The following DCC variants were observed in gnomAD, a reference collection of about 807,000 sequenced individuals.
The protein encoded by DCC is netrin receptor DCC.
DCC carries 58 observed loss-of-function variants against 172.5 expected under a neutral mutation model. The ratio of observed to expected loss-of-function variants is 0.34; its 90% CI spans 0.27 to 0.42. The LOEUF is 0.42. DCC is among the 10% of genes least tolerant of loss of function. The pLI is 1.00. For synonymous variants in DCC, 709 were observed against 644.5 expected, an observed-to-expected ratio of 1.10 and a Z score of -1.52; for missense variants, 1,740 against 1,791.0, an observed-to-expected ratio of 0.97 and a Z score of 0.51.
chr18:52,871,292 G>T (rs1906878788), intron 2 of DCC, among the ~76,000 whole-genome samples: 1 of 151,398 alleles, frequency 6.6e-6, no homozygotes, highest in Admixed American at 6.6e-5. Flanking sequence ...ACCTCTCAGT[G>T]ACATAAAATA....
intron 5 of DCC, among the ~76,000 whole-genome samples, chr18:52,979,660 A>G (rs975176240): frequency 2.0e-5 from 3 of 152,228 alleles, no homozygotes; most frequent in Non-Finnish European, 4.4e-5. Flanking sequence ...GCTTGTGTTC[A>G]GAGTTACCCA....
intron 15 of DCC, among the ~76,000 whole-genome samples, chr18:53,380,950 A>G (rs1907681661): frequency 6.6e-6 from 1 of 152,188 alleles, no homozygotes; most frequent in Non-Finnish European, 1.5e-5. Flanking sequence ...AGTATAATTC[A>G]TTAATCCAAC....
At chr18:52,412,515 C>T (rs1376520906) in intron 1 of DCC, among the ~76,000 whole-genome samples, 1 of 151,966 alleles carries the variant, frequency 6.6e-6, no homozygotes, top group African/African-American at 2.4e-5. Context: ...TATAAATGTA[C>T]AACTAAAATT....
chr18:53,504,527 G>GACA (rs1243451662), intron 27 of DCC, among the ~76,000 whole-genome samples: 1 of 152,136 alleles, frequency 6.6e-6, no homozygotes, highest in African/African-American at 2.4e-5. Context: ...CTTTTTGGTA[G>GACA]ACATCTCCTT....
intron 2 of DCC, among the ~76,000 whole-genome samples, chr18:52,823,134 C>T (rs560989588): frequency 1.3e-5 from 2 of 152,292 alleles, no homozygotes; most frequent in South Asian, 4.1e-4. Flanking sequence ...TGTCCCCTCC[C>T]TAAACTTTTG....
intron 5 of DCC, among the ~76,000 whole-genome samples, chr18:53,055,967 G>T (rs143178131): frequency 5.4e-4 from 82 of 152,226 alleles, no homozygotes; most frequent in African/African-American, 1.9e-3. Context: ...CACTTGACAA[G>T]TCTCTTAGAA....
At chr18:52,789,713 T>C (rs1198064504) in intron 2 of DCC, among the ~76,000 whole-genome samples, 2 of 152,168 alleles carry the variant, frequency 1.3e-5, no homozygotes, top group Non-Finnish European at 2.9e-5. Context: ...AAATTGTGAC[T>C]GAGACAGTAA....
Position 53,132,370 on chromosome 18 carries a change from T to C in DCC, c.1262-24986T>C, listed in dbSNP as rs181833427. Among the ~76,000 whole-genome samples the C allele has an allele frequency of 1.7e-4, 26 of 152,206 alleles. No homozygotes were observed. In the East Asian group the frequency reaches 5.1e-3, roughly 30 times the overall value. Reference sequence around the variant, plus strand: ...CATGATGAGTCGACCTGAGCTGCTGTAGGCTTGCTCCAGCACACTGCGGAA... The same window carrying C: ...CATGATGAGTCGACCTGAGCTGCTGCAGGCTTGCTCCAGCACACTGCGGAA... On this transcript the variant is annotated intron_variant, in intron 7 of 28. Transcript: ENST00000442544.
At chr18:52,489,857 C>T (rs1219820657) in intron 1 of DCC, among the ~76,000 whole-genome samples, 1 of 152,114 alleles carries the variant, frequency 6.6e-6, no homozygotes, top group Non-Finnish European at 1.5e-5. Flanking sequence ...CTGATCTGAC[C>T]TCATCTGAGC....
chr18:52,446,311 A>G (rs1484922644), intron 1 of DCC, among the ~76,000 whole-genome samples: 2 of 152,208 alleles, frequency 1.3e-5, no homozygotes, highest in African/African-American at 4.8e-5. Flanking sequence ...GAAAGAAGAC[A>G]ATAAATTTTA....
chr18:53,445,334 A>T (rs1324389627), intron 22 of DCC, among the ~76,000 whole-genome samples: 1 of 152,250 alleles, frequency 6.6e-6, no homozygotes, highest in African/African-American at 2.4e-5. Context: ...CTGCAATTGT[A>T]GGAGTGAAGT....
intron 7 of DCC, among the ~76,000 whole-genome samples, chr18:53,090,511 G>A (rs956503294): frequency 2.6e-5 from 4 of 151,174 alleles, no homozygotes; most frequent in African/African-American, 9.7e-5. Context: ...GGCTAACAAG[G>A]TGAAATTCCG....
intron 5 of DCC, among the ~76,000 whole-genome samples, chr18:53,036,367 A>G (rs964387345): frequency 1.9e-4 from 29 of 152,014 alleles, no homozygotes; most frequent in African/African-American, 6.8e-4. Flanking sequence ...TGCAAGCAAC[A>G]CTAGGTGAAT....
chr18:52,907,707 C>A (rs2039910849), intron 3 of DCC, among the ~76,000 whole-genome samples: 1 of 152,190 alleles, frequency 6.6e-6, no homozygotes, highest in South Asian at 2.1e-4. Flanking sequence ...CAGGCGTGAG[C>A]CACTGTGCCC....
At chr18:52,956,982 C>A (rs886198928) in intron 5 of DCC, among the ~76,000 whole-genome samples, 9 of 152,086 alleles carry the variant, frequency 5.9e-5, no homozygotes, top group African/African-American at 2.2e-4. Flanking sequence ...CTTTGAATCT[C>A]TTGCAACTTC....
intron 12 of DCC, among the ~76,000 whole-genome samples, chr18:53,255,681 G>T (rs974670959): frequency 3.3e-5 from 5 of 151,846 alleles, no homozygotes; most frequent in African/African-American, 1.2e-4. Flanking sequence ...ACATACATGT[G>T]CATGTCTTTA....
chr18:52,340,825 T>C lies in DCC; in HGVS notation c.38T>C (p.Leu13Pro). Residue 13 changes from leucine to proline, a missense_variant, in exon 1 of 29, where the codon CTG (leucine) becomes CCG (proline). Physicochemically the swap from Leu to Pro is moderately conservative, Grantham distance 98 (BLOSUM62 -3). Coordinates refer to ENST00000442544, the MANE Select transcript of DCC (RefSeq NM_005215.4). ...CTTAGATGTGTTTGGGTACCCAAGC[T>C]GGCTTTTGTACTCTTCGGAGCTTCC... ...NSLRCVWVPK[L>P]AFVLFGASLF... is the part of the protein sequence containing the mutation. 1 of 1,614,136 alleles carries C rather than the reference T, an allele frequency of 6.2e-7. No individual in the cohort carries two copies. The highest frequency in any genetic ancestry group is 8.5e-7 in the Non-Finnish European group (1 of 1,180,020).
intron 12 of DCC, among the ~76,000 whole-genome samples, chr18:53,247,150 A>G (rs16956409): frequency 2.3e-3 from 357 of 152,196 alleles, no homozygotes; most frequent in African/African-American, 8.3e-3. Flanking sequence ...GGAAGAGGAC[A>G]ACCTTAGATT....
At chr18:53,226,914 C>CTGTGTGTG (rs35341474) in intron 12 of DCC, among the ~76,000 whole-genome samples, 1 of 103,676 alleles carries the variant, frequency 9.6e-6, no homozygotes, top group African/African-American at 4.1e-5. Context: ...AATAGTGTAA[C>CTGTGTGTG]TGTGTGTGTG....
Sources: gnomAD v4.1 joint callset for allele counts (sites outside exome capture counted in the v4.1 genomes callset) on GRCh38, gnomAD v4.1.1 for gene constraint, MANE v1.5 for transcripts, NCBI Gene and HGNC (gene_info 2026-07-23, HGNC 2026-07-21) for gene names.